The following CACNA2D1 variants were observed in gnomAD, a reference collection of about 807,000 sequenced individuals.
CACNA2D1 encodes voltage-dependent calcium channel subunit alpha-2/delta-1.
CACNA2D1 carries 53 observed loss-of-function variants against 171.5 expected under a neutral mutation model. The observed-to-expected ratio is 0.31, with a 90% CI of 0.25 to 0.39. The LOEUF is 0.39. Among genes scored for constraint, CACNA2D1 ranks in the 10% least tolerant of loss-of-function variants. The probability of loss-of-function intolerance (pLI) is 1.00; values close to 1 mark genes in which losing one functional copy is unlikely to be tolerated. For missense variants in CACNA2D1, 903 were observed against 1,299.8 expected (o/e 0.69, Z 4.69); for synonymous variants, 442 against 443.1 (o/e 1.00, Z 0.03).
intron 11 of CACNA2D1, among the ~76,000 whole-genome samples, chr7:82,036,077 G>A (rs1217826264): frequency 1.3e-5 from 2 of 152,040 alleles, no homozygotes; most frequent in Non-Finnish European, 2.9e-5. Context: ...CTCTATGTGT[G>A]TTCCTGTGCA....
Position 81,964,161 on chromosome 7 carries a change from A to G in CACNA2D1, c.2727+46T>C, listed in dbSNP as rs138827246. 1.1e-4 allele frequency: 180 copies of G among 1,610,626 alleles called. No individual in the cohort carries two copies. The African/African-American group carries it at 2.1e-3, about 19-fold the overall frequency. Reference sequence around the variant, plus strand: ...CAGTAGTCTACTTGATACTGAGGACACTTGAGTACCCCTTGAGAATTGATT... The same window carrying G: ...CAGTAGTCTACTTGATACTGAGGACGCTTGAGTACCCCTTGAGAATTGATT... On this transcript the variant is annotated intron_variant, in intron 33 of 38. Transcript: ENST00000356860.
chr7:82,169,464 A>G (rs1795798615), intron 4 of CACNA2D1, among the ~76,000 whole-genome samples: 1 of 152,090 alleles, frequency 6.6e-6, no homozygotes, highest in Admixed American at 6.6e-5. Flanking sequence ...TAAATAAGTG[A>G]TAAACAGTAA....
At chr7:82,294,283 A>C (rs961183213) in intron 3 of CACNA2D1, among the ~76,000 whole-genome samples, 14 of 152,116 alleles carry the variant, frequency 9.2e-5, no homozygotes, top group African/African-American at 3.4e-4. Flanking sequence ...TTATTACATA[A>C]AATTCAAATA....
chr7:82,061,020 T>TCC (rs1584592690), intron 9 of CACNA2D1, among the ~76,000 whole-genome samples: 2 of 152,148 alleles, frequency 1.3e-5, no homozygotes, highest in East Asian at 3.9e-4. Flanking sequence ...TTCTTCATTT[T>TCC]TCTTTCCTCT....
chr7:82,293,252 C>T (rs2129417984), intron 3 of CACNA2D1, among the ~76,000 whole-genome samples: 1 of 151,666 alleles, frequency 6.6e-6, no homozygotes, highest in East Asian at 1.9e-4. Context: ...TCTTCAGTTT[C>T]CTGCATTGTC....
chr7:82,299,114 C>T (rs1326805907), intron 3 of CACNA2D1, among the ~76,000 whole-genome samples: 2 of 149,966 alleles, frequency 1.3e-5, no homozygotes, highest in African/African-American at 4.9e-5. Context: ...ATTTTTTACT[C>T]ACCTGGTTAA....
intron 1 of CACNA2D1, among the ~76,000 whole-genome samples, chr7:82,369,445 G>T (rs1822120882): frequency 6.6e-6 from 1 of 151,532 alleles, no homozygotes; most frequent in African/African-American, 2.4e-5. Flanking sequence ...TACTTCAACA[G>T]TTCTTTTTTC....
chr7:82,442,087 A>G (rs922877592), intron 1 of CACNA2D1, among the ~76,000 whole-genome samples: 5 of 152,350 alleles, frequency 3.3e-5, no homozygotes, highest in African/African-American at 9.6e-5. Flanking sequence ...CTGTAACTCA[A>G]TGACAACAAA....
intron 1 of CACNA2D1, among the ~76,000 whole-genome samples, chr7:82,400,461 T>C (rs930201546): frequency 7.9e-5 from 12 of 152,142 alleles, no homozygotes; most frequent in African/African-American, 2.7e-4. Context: ...GGGAAACGAT[T>C]CCCTATTTAA....
intron 10 of CACNA2D1, among the ~76,000 whole-genome samples, chr7:82,052,718 T>A (rs571018007): frequency 6.6e-6 from 1 of 152,282 alleles, no homozygotes; most frequent in South Asian, 2.1e-4. Context: ...GAGCAAAAGA[T>A]ACACGGTAAA....
intron 3 of CACNA2D1, among the ~76,000 whole-genome samples, chr7:82,241,177 A>T (rs984036783): frequency 6.6e-6 from 1 of 152,178 alleles, no homozygotes; most frequent in African/African-American, 2.4e-5. Flanking sequence ...ATTAAAAATA[A>T]TTTTTAAGAT....
At chr7:82,412,728 T>A (rs971341168) in intron 1 of CACNA2D1, among the ~76,000 whole-genome samples, 13 of 151,790 alleles carry the variant, frequency 8.6e-5, no homozygotes, top group Non-Finnish European at 1.9e-4. Flanking sequence ...AATATCACGA[T>A]CTGATCAGAA....
chr7:82,247,850 A>G (rs962373687), intron 3 of CACNA2D1, among the ~76,000 whole-genome samples: 8 of 152,234 alleles, frequency 5.3e-5, no homozygotes, highest in African/African-American at 1.9e-4. Flanking sequence ...ATTCTATGAA[A>G]TACTGAAATC....
At chr7:81,980,251 A>G (rs1796319510) in intron 24 of CACNA2D1, among the ~76,000 whole-genome samples, 1 of 149,974 alleles carries the variant, frequency 6.7e-6, no homozygotes, top group Non-Finnish European at 1.5e-5. Flanking sequence ...AATTTAGAGT[A>G]CGGGTAGGGA....
intron 10 of CACNA2D1, among the ~76,000 whole-genome samples, chr7:82,047,497 A>C (rs1804686151): frequency 6.6e-6 from 1 of 152,180 alleles, no homozygotes; most frequent in Admixed American, 6.5e-5. Flanking sequence ...TAGAGCAGAG[A>C]TACTACAATA....
intron 1 of CACNA2D1, chr7:82,410,620 G>C (rs1017712142): frequency 1.8e-6 from 1 of 546,252 alleles, no homozygotes; most frequent in Non-Finnish European, 2.3e-6. Context: ...GACTGCAAGA[G>C]AGAAGGCGAG....
At chr7:82,012,075 G>C in intron 15 of CACNA2D1, 79 bp downstream of exon 15, 1 of 897,626 alleles carries the variant, frequency 1.1e-6, no homozygotes, top group Non-Finnish European at 1.9e-6. Context: ...GGAAAACAGA[G>C]ACATCATCTA....
At chr7:82,117,698 T>C (rs1227265520) in intron 5 of CACNA2D1, among the ~76,000 whole-genome samples, 2 of 152,086 alleles carry the variant, frequency 1.3e-5, no homozygotes, top group Admixed American at 6.6e-5. Flanking sequence ...AAAAGATCGC[T>C]TGTGCATGGG....
intron 16 of CACNA2D1, among the ~76,000 whole-genome samples, chr7:82,006,877 C>A (rs904416219): frequency 1.3e-5 from 2 of 152,020 alleles, no homozygotes; most frequent in African/African-American, 4.8e-5. Flanking sequence ...TCAAACAATG[C>A]TTAAGTGCAG....
Sources: allele counts gnomAD v4.1 joint callset (sites outside exome capture counted in the v4.1 genomes callset), GRCh38; gene constraint gnomAD v4.1.1; transcripts MANE v1.5; gene names NCBI Gene and HGNC (gene_info 2026-07-23, HGNC 2026-07-21).